UBE2G1: variants seen among roughly 807,000 people sequenced by gnomAD.
UBE2G1 encodes the protein ubiquitin-conjugating enzyme E2 G1.
A neutral mutation model predicts 22.7 loss-of-function variants in UBE2G1; 5 were observed. The ratio of observed to expected loss-of-function variants is 0.22; its 90% CI spans 0.12 to 0.46. The LOEUF is 0.46. UBE2G1 is among the 20% of genes least tolerant of loss of function. The pLI is 0.99. For synonymous variants in UBE2G1, 74 were observed against 67.5 expected (o/e 1.10, Z -0.47); for missense variants, 88 against 203.9 (o/e 0.43, Z 3.46).
chr17:4,278,447 A>T (rs1030955752), intron 5 of UBE2G1, among the ~76,000 whole-genome samples: 2 of 67,272 alleles, frequency 3.0e-5, no homozygotes, highest in Admixed American at 1.8e-4. Flanking sequence ...AAGAAAAAAT[A>T]AAAAAAAATC....
chr17:4,320,526 G>C (rs1969425486), intron 1 of UBE2G1, among the ~76,000 whole-genome samples: 1 of 152,210 alleles, frequency 6.6e-6, no homozygotes, highest in Non-Finnish European at 1.5e-5. Context: ...TGCACTGAAA[G>C]GTGGATGCAA....
intron 1 of UBE2G1, among the ~76,000 whole-genome samples, chr17:4,307,686 A>G (rs948964216): frequency 6.6e-6 from 1 of 152,152 alleles, no homozygotes; most frequent in African/African-American, 2.4e-5. Context: ...GGGGCCCCAT[A>G]TGTCTTGTCT....
Position 4,282,927 on chromosome 17 carries a change from G to A in UBE2G1, c.427-6C>T. 1 of 1,609,712 alleles carries A rather than the reference G, an allele frequency of 6.2e-7. No homozygotes were observed. Among genetic ancestry groups the A allele is most frequent in the Non-Finnish European group, 8.5e-7 (1 of 1,177,726 alleles). On this transcript the variant is annotated splice_polypyrimidine_tract_variant and splice_region_variant and intron_variant, in intron 4 of 5. Coordinates refer to ENST00000396981, the MANE Select transcript of UBE2G1 (RefSeq NM_003342.5). Reference sequence around the variant, plus strand: ...CTATCTTCCCTCCATTCTTTCTGTAGATTAAAAAAGCAGTATCAAGTGATT... The same window carrying A: ...CTATCTTCCCTCCATTCTTTCTGTAAATTAAAAAAGCAGTATCAAGTGATT...
chr17:4,343,854 T>C (rs2143802574), intron 1 of UBE2G1, among the ~76,000 whole-genome samples: 1 of 152,080 alleles, frequency 6.6e-6, no homozygotes, highest in East Asian at 1.9e-4. Context: ...CCCAAAGTGC[T>C]GGGATTACAG....
At chr17:4,302,020 T>A (rs1675290938) in intron 2 of UBE2G1, 1 of 494,930 alleles carries the variant, frequency 2.0e-6, no homozygotes. Context: ...GAGAGAATCC[T>A]TCATAAAGAA....
chr17:4,300,375 T>C (rs1969163188), intron 2 of UBE2G1, among the ~76,000 whole-genome samples: 1 of 151,632 alleles, frequency 6.6e-6, no homozygotes, highest in Non-Finnish European at 1.5e-5. Context: ...AAACGCCGTC[T>C]CTACTAAAAA....
intron 1 of UBE2G1, chr17:4,335,187 A>G (rs562941353): frequency 6.6e-6 from 1 of 152,304 alleles, no homozygotes; most frequent in Non-Finnish European, 1.5e-5. Flanking sequence ...ATATTCCTGA[A>G]TCTGCAGTTT....
chr17:4,294,428 AAAAAAAAAAAAAGAAAGAAAC>A (rs1449178938), intron 3 of UBE2G1, among the ~76,000 whole-genome samples: 2 of 19,722 alleles, frequency 1.0e-4, no homozygotes, highest in Non-Finnish European at 8.2e-4. Flanking sequence ...AAAAAAAAAA[AAAAAAAAAAAAAGAAAGAAAC>A]GAAAAGAAAA....
At chr17:4,296,651 A>C (rs1462202290) in intron 3 of UBE2G1, 66 bp downstream of exon 3, 1 of 1,437,252 alleles carries the variant, frequency 7.0e-7, no homozygotes, top group Non-Finnish European at 9.8e-7. Flanking sequence ...TTTCTTATTG[A>C]CCTTGAACAC....
At chr17:4,341,851 T>G (rs1969716608) in intron 1 of UBE2G1, among the ~76,000 whole-genome samples, 1 of 152,198 alleles carries the variant, frequency 6.6e-6, no homozygotes, top group South Asian at 2.1e-4. Context: ...CCCTTGAAGC[T>G]TTCTTCACTT....
chr17:4,350,240 C>G (rs915153720), intron 1 of UBE2G1, among the ~76,000 whole-genome samples: 1 of 152,132 alleles, frequency 6.6e-6, no homozygotes, highest in Non-Finnish European at 1.5e-5. Flanking sequence ...AAGGGTGGAT[C>G]ACCTGAGGTC....
At chr17:4,297,574 T>C (rs928955745) in intron 2 of UBE2G1, among the ~76,000 whole-genome samples, 4 of 152,240 alleles carry the variant, frequency 2.6e-5, no homozygotes, top group African/African-American at 9.6e-5. Context: ...ATGAGTTGTA[T>C]ACATTAACTA....
chr17:4,341,686 T>C (rs987435651), intron 1 of UBE2G1, among the ~76,000 whole-genome samples: 1 of 152,206 alleles, frequency 6.6e-6, no homozygotes. Context: ...GTTGTCTTCA[T>C]TCCTTATCTC....
At position 4,364,337 on chromosome 17, in the gene UBE2G1, C is replaced by T. The variant is rs1370718790; in HGVS notation, c.46+1934G>A. ...ACACAGTCTCGCTCTGTCGCCCAGG[C>T]TGGAGTGCAGTGGCGCCATCTCGGC... On this transcript the variant is annotated intron_variant, in intron 1 of 5. Transcript: ENST00000396981. 20 of 102,702 alleles carry T rather than the reference C, an allele frequency of 1.9e-4. 1 individual carries two copies. The highest frequency in any genetic ancestry group is 3.8e-4 in the South Asian group (1 of 2,636). 6.4% of individuals were successfully genotyped at this position (102,702 alleles called of 1,614,324 possible).
intron 1 of UBE2G1, among the ~76,000 whole-genome samples, chr17:4,362,728 T>G (rs1277531316): frequency 6.6e-6 from 1 of 152,174 alleles, no homozygotes; most frequent in Non-Finnish European, 1.5e-5. Context: ...GGCGTGGTAG[T>G]ACATGCCTGT....
At chr17:4,356,221 G>A (rs1192590336) in intron 1 of UBE2G1, among the ~76,000 whole-genome samples, 1 of 151,684 alleles carries the variant, frequency 6.6e-6, no homozygotes, top group Non-Finnish European at 1.5e-5. Flanking sequence ...AGCTGTGCCT[G>A]GTGGCACACG....
At chr17:4,350,771 G>A (rs1034722100) in intron 1 of UBE2G1, among the ~76,000 whole-genome samples, 1 of 152,052 alleles carries the variant, frequency 6.6e-6, no homozygotes, top group South Asian at 2.1e-4. Context: ...GTTGGCTCAC[G>A]TCTGTAATCC....
chr17:4,328,930 CAAAG>C (rs1567524590), intron 1 of UBE2G1, among the ~76,000 whole-genome samples: 2 of 151,400 alleles, frequency 1.3e-5, no homozygotes, highest in African/African-American at 4.9e-5. Context: ...ACTAAAAATA[CAAAG>C]AATTAGCCAA....
intron 1 of UBE2G1, among the ~76,000 whole-genome samples, chr17:4,359,114 T>TA (rs1451184123): frequency 6.6e-6 from 1 of 151,906 alleles, no homozygotes; most frequent in Non-Finnish European, 1.5e-5. Context: ...TCTCCTGACA[T>TA]AAAGAACTTT....
Sources: gnomAD v4.1 joint callset for allele counts (sites outside exome capture counted in the v4.1 genomes callset) on GRCh38, gnomAD v4.1.1 for gene constraint, MANE v1.5 for transcripts, NCBI Gene and HGNC (gene_info 2026-07-23, HGNC 2026-07-21) for gene names.